Variants in NRAP observed in about 807,000 individuals in gnomAD.
NRAP encodes nebulin-related-anchoring protein.
In NRAP, 189 loss-of-function variants were observed where a neutral mutation model predicts 225.9. That is an observed-to-expected ratio of 0.84 (90% CI 0.74 to 0.94). NRAP has a LOEUF of 0.94. Ranked by LOEUF, NRAP falls within the 40% of genes least tolerant of loss-of-function variation. The pLI is 0.00. For missense variants in NRAP, 2,176 were observed against 2,168.7 expected (o/e 1.00, Z -0.07); for synonymous variants, 769 against 790.7 (o/e 0.97, Z 0.46).
chr10:113,660,325 C>T (rs1850591984), intron 3 of NRAP, among the ~76,000 whole-genome samples: 2 of 152,042 alleles, frequency 1.3e-5, no homozygotes, highest in African/African-American at 4.8e-5. Context: ...TGTGCACACA[C>T]ATTCACACCT....
intron 9 of NRAP, among the ~76,000 whole-genome samples, chr10:113,649,094 T>G (rs138901493): frequency 6.6e-5 from 10 of 152,302 alleles, no homozygotes; most frequent in Non-Finnish European, 1.2e-4. Context: ...TTAATTAACT[T>G]AGAGAATTTG....
chr10:113,651,502 C>T (rs972530014), intron 7 of NRAP, among the ~76,000 whole-genome samples: 2 of 152,104 alleles, frequency 1.3e-5, no homozygotes, highest in African/African-American at 4.8e-5. Context: ...CCTCAACTCC[C>T]CTCTGTGGGC....
In NRAP at chr10:113,662,725, G is replaced by C; in HGVS notation, c.209C>G (p.Thr70Ser). The part of the protein sequence containing the change: ...KNNTFTSVYH[T>S]PLNLNVRTFP... Reference sequence around the variant, plus strand: ...TGTCCTCACATTTAGATTTAATGGAGTGTGATAGACACTGGTGAAAGTGTT... The same window carrying C: ...TGTCCTCACATTTAGATTTAATGGACTGTGATAGACACTGGTGAAAGTGTT... The change falls in exon 3 of 42, where the codon ACT becomes AGT. Residue 70 changes from threonine (T) to serine (S), a missense_variant. Physicochemically the swap from Thr to Ser is moderately conservative, Grantham distance 58. Around this residue, in one of 3 missense-constraint regions of NRAP, gnomAD observed 1,708 missense variants for 1,695.5 expected, o/e 1.01. Coordinates refer to ENST00000359988, the MANE Select transcript of NRAP (RefSeq NM_198060.4). 2 of 1,601,864 alleles carry C rather than the reference G, an allele frequency of 1.2e-6. No homozygotes were observed. Among genetic ancestry groups the C allele is most frequent in the Non-Finnish European group, 1.7e-6 (2 of 1,169,030 alleles).
At chr10:113,651,970 C>A in intron 6 of NRAP, 63 bp from the exon 7 acceptor site, 2 of 997,046 alleles carry the variant, frequency 2.0e-6, no homozygotes, top group South Asian at 2.6e-5. Context: ...TGACCTCTCC[C>A]TGTGGCTCTC....
intron 7 of NRAP, among the ~76,000 whole-genome samples, chr10:113,651,411 G>T (rs1453576178): frequency 6.6e-6 from 1 of 152,124 alleles, no homozygotes; most frequent in Non-Finnish European, 1.5e-5. Flanking sequence ...GTGTGCCATG[G>T]TGGTTTGCTG....
chr10:113,651,539 TG>T (rs1293042772), intron 7 of NRAP, among the ~76,000 whole-genome samples: 1 of 152,118 alleles, frequency 6.6e-6, no homozygotes, highest in Non-Finnish European at 1.5e-5. Flanking sequence ...CCCCTCCCTG[TG>T]TCCATGTGTT....
intron 3 of NRAP, among the ~76,000 whole-genome samples, chr10:113,661,724 T>C (rs17700338): frequency 0.082 from 12,458 of 152,168 alleles, 604 homozygotes; most frequent in South Asian, 0.16. Context: ...GGCCTCCATA[T>C]TTACCTCCCC....
intron 41 of NRAP, chr10:113,589,412 T>C (rs1751108650): frequency 1.7e-6 from 1 of 583,542 alleles, no homozygotes; most frequent in Non-Finnish European, 3.0e-6. Context: ...CCGGGATTGA[T>C]GTAGCCCCGG....
At position 113,588,828 on chromosome 10, in the gene NRAP, T is replaced by A; in HGVS notation, c.*147A>T. On this transcript the variant is annotated 3_prime_UTR_variant, in exon 42 of 42. Transcript: ENST00000359988. Reference sequence around the variant, plus strand: ...AGGACCACAAATACAACATTCTCCATCTGCTTTCAGAGTTATTATTTTAAT... The same window carrying A: ...AGGACCACAAATACAACATTCTCCAACTGCTTTCAGAGTTATTATTTTAAT... 1 of 671,890 alleles carries A rather than the reference T, an allele frequency of 1.5e-6. No individual in the cohort carries two copies. Among genetic ancestry groups the A allele is most frequent in the Non-Finnish European group, 2.7e-6 (1 of 376,726 alleles). The allele number at this position is 671,890 out of a possible 1,614,324, so 41.6% of individuals were successfully genotyped here. A position where few individuals can be genotyped will look rare whatever the true frequency, so the allele number is the denominator to read the frequency against.
At chr10:113,611,840 G>C (rs888783450) in intron 30 of NRAP, among the ~76,000 whole-genome samples, 2 of 152,194 alleles carry the variant, frequency 1.3e-5, no homozygotes, top group Non-Finnish European at 2.9e-5. Context: ...CATGAACCTT[G>C]AGGGCATCTT....
chr10:113,633,051 C>A, intron 16 of NRAP, 33 bp downstream of exon 16: 1 of 1,069,638 alleles, frequency 9.3e-7, no homozygotes, highest in Non-Finnish European at 1.5e-6. Context: ...GCTCTATAAC[C>A]CCCTCCACCG....
rs187132639 is a variant in NRAP, at chr10:113,654,742, A to G, written c.361-617T>C. On this transcript the variant is annotated intron_variant, in intron 4 of 41. Transcript: ENST00000359988. ...AGCTGTACCTCCAGGGCTGAGGGCA[A>G]TTAGTAGAGGCCAAGGGAGAACGAA... 3.3e-5 allele frequency among the ~76,000 whole-genome samples: 5 copies of G among 152,310 alleles called. No individual in the cohort carries two copies. The East Asian group carries it at 9.6e-4, about 29-fold the overall frequency.
At chr10:113,622,440 A>C (rs1439748969) in intron 23 of NRAP, among the ~76,000 whole-genome samples, 1 of 152,222 alleles carries the variant, frequency 6.6e-6, no homozygotes, top group Non-Finnish European at 1.5e-5. Flanking sequence ...TGAAATGAGA[A>C]GCATACAGAA....
intron 32 of NRAP, among the ~76,000 whole-genome samples, chr10:113,607,531 C>A (rs1847071551): frequency 6.6e-6 from 1 of 151,492 alleles, no homozygotes. Context: ...GCACTGTTAT[C>A]CCACAGCACA....
At chr10:113,642,668 CTG>C (rs1455529825) in intron 12 of NRAP, among the ~76,000 whole-genome samples, 9 of 152,192 alleles carry the variant, frequency 5.9e-5, no homozygotes, top group Non-Finnish European at 8.8e-5. Context: ...GAGCTGGGCA[CTG>C]TGCTGCACAC....
At chr10:113,639,914 G>A (rs1849101109) in intron 14 of NRAP, among the ~76,000 whole-genome samples, 1 of 152,050 alleles carries the variant, frequency 6.6e-6, no homozygotes. Context: ...AATCATCCTT[G>A]CTAAGGAACA....
At chr10:113,593,052 A>G (rs1415770597) in intron 38 of NRAP, among the ~76,000 whole-genome samples, 1 of 151,300 alleles carries the variant, frequency 6.6e-6, no homozygotes, top group East Asian at 1.9e-4. Flanking sequence ...TGTAGCTAAT[A>G]TTTTTTTTTC....
At position 113,604,855 on chromosome 10, in the gene NRAP, G is replaced by A. The variant is rs377649682; in HGVS notation, c.3981C>T (p.Asp1327=). 163 of 1,614,066 alleles carry A rather than the reference G, an allele frequency of 1.0e-4. 2 individuals carry two copies. The highest frequency in any genetic ancestry group is 1.6e-4 in the Middle Eastern group (1 of 6,084). ...GKLIGPQSVR[D]DPRIQHCRRM... ...GCCGGCAGTGCTGGATCCGGGGGTC[G>A]TCTCTTACACTCTGGGGCCCTATGA... The change falls in exon 35 of 42, where the codon GAC becomes GAT. Residue 1327 remains aspartate, a synonymous_variant. Transcript: ENST00000359988.
chr10:113,657,526 C>A lies in NRAP; in HGVS notation c.304G>T (p.Asp102Tyr). The change falls in exon 4 of 42, where the codon GAC (aspartate) becomes TAC (tyrosine). Residue 102 changes from aspartate to tyrosine, a missense_variant. Physicochemically the swap from Asp to Tyr is radical, Grantham distance 160. Coordinates refer to ENST00000359988, the MANE Select transcript of NRAP (RefSeq NM_198060.4). ...CCTTCCTTATCCTTGGATTTCATGT[C>A]CCAGTGAAAAACTGATTTACACTGT... ...GEQCKSVFHW[D>Y]MKSKDKEGAP... is the part of the protein sequence containing the mutation. 1 of 1,608,968 alleles carries A rather than the reference C, an allele frequency of 6.2e-7. No homozygotes were observed. Among genetic ancestry groups the A allele is most frequent in the South Asian group, 1.1e-5 (1 of 90,926 alleles).
Sources: gnomAD v4.1 joint callset for allele counts (sites outside exome capture counted in the v4.1 genomes callset) on GRCh38, gnomAD v4.1.1 for gene constraint, gnomAD v4.1.1 regional missense constraint, MANE v1.5 for transcripts, NCBI Gene and HGNC (gene_info 2026-07-23, HGNC 2026-07-21) for gene names.